The following HYDIN variants were observed in gnomAD, a reference collection of about 807,000 sequenced individuals.
HYDIN encodes axonemal central pair apparatus protein HYDIN.
In HYDIN, 132 loss-of-function variants were observed where a neutral mutation model predicts 403.9. The observed-to-expected ratio is 0.33, with a 90% CI of 0.28 to 0.38. HYDIN has a LOEUF of 0.38. Among genes scored for constraint, HYDIN ranks in the 10% least tolerant of loss-of-function variants. The pLI, the probability that HYDIN is intolerant of heterozygous loss-of-function variation, is 1.00. For missense variants in HYDIN, 2,827 were observed against 5,009.5 expected, an observed-to-expected ratio of 0.56 and a Z score of 13.15; for synonymous variants, 1,202 against 1,891.7, an observed-to-expected ratio of 0.64 and a Z score of 9.46.
intron 9 of HYDIN, among the ~76,000 whole-genome samples, chr16:71,126,004 G>A (rs1425502830): frequency 2.0e-5 from 3 of 151,628 alleles, no homozygotes; most frequent in Non-Finnish European, 4.4e-5. Context: ...CTGTGGAGGG[G>A]GAGTCTGTGG....
Position 71,081,888 on chromosome 16 carries a change from T to C in HYDIN, c.1671-1936A>G, listed in dbSNP as rs939347298. Among the ~76,000 whole-genome samples the C allele has an allele frequency of 6.6e-5, 9 of 136,692 alleles. No individual in the cohort carries two copies. The South Asian group carries it at 1.2e-3, about 18-fold the overall frequency. The allele number at this position is 136,692 out of a possible 152,430, so 89.7% of individuals were successfully genotyped here. A position where few individuals can be genotyped will look rare whatever the true frequency, so the allele number is the denominator to read the frequency against. On this transcript the variant is annotated intron_variant, in intron 12 of 85. Transcript: ENST00000393567. ...ATGGTTCAAACTTTATAAAATCACATACATAAAAATAGGAGGGAAGAAAAT... is the reference window on the plus strand; with the variant it reads ...ATGGTTCAAACTTTATAAAATCACACACATAAAAATAGGAGGGAAGAAAAT...
intron 1 of HYDIN, among the ~76,000 whole-genome samples, chr16:71,221,880 G>A (rs1049503425): frequency 6.6e-6 from 1 of 152,204 alleles, no homozygotes; most frequent in African/African-American, 2.4e-5. Context: ...AAATGAAGCT[G>A]TAAACAGACC....
At chr16:70,926,282 TA>T (rs1344661462) in intron 45 of HYDIN, among the ~76,000 whole-genome samples, 1 of 151,892 alleles carries the variant, frequency 6.6e-6, no homozygotes, top group African/African-American at 2.4e-5. Context: ...TATGCAGCCA[TA>T]AAAAATGATG....
chr16:71,031,199 CAAAAAAAAA>C (rs376968331), intron 19 of HYDIN, among the ~76,000 whole-genome samples: 4 of 25,216 alleles, frequency 1.6e-4, no homozygotes, highest in African/African-American at 4.1e-4. Flanking sequence ...GACTCCATCT[CAAAAAAAAA>C]AAAAAAAAAA....
rs550292702 is a variant in HYDIN, at chr16:70,875,993, T to G, written c.10558-1074A>C. The stretch of plus-strand genomic sequence containing the variant: ...AACCTGAGCTCAAGGCAACAACAAT[T>G]GCTAGACTAAATATATATAAAAAAA... On this transcript the variant is annotated intron_variant, in intron 62 of 85. Transcript: ENST00000393567. Among the ~76,000 whole-genome samples, 6 of 152,182 alleles carry G rather than the reference T, an allele frequency of 3.9e-5. No individual in the cohort carries two copies. The East Asian group carries it at 1.2e-3, about 29-fold the overall frequency.
At chr16:70,945,203 T>C (rs1200774016) in intron 41 of HYDIN, among the ~76,000 whole-genome samples, 1 of 152,198 alleles carries the variant, frequency 6.6e-6, no homozygotes, top group Non-Finnish European at 1.5e-5. Context: ...TGGCGAGAAG[T>C]GGCTCATACA....
chr16:70,862,089 G>C lies in HYDIN; in HGVS notation c.11736C>G (p.Ser3912=), dbSNP rs1040995714. The C allele has an allele frequency of 1.2e-6, 2 of 1,608,024 alleles. No individual in the cohort carries two copies. Among genetic ancestry groups the C allele is most frequent in the Non-Finnish European group, 1.7e-6 (2 of 1,177,234 alleles). Residue 3912 remains serine, a synonymous_variant, in exon 69 of 86, where the codon TCC becomes TCG. Coordinates refer to ENST00000393567, the MANE Select transcript of HYDIN (RefSeq NM_001270974.2). ...GKIQKFKVKF[S]PLDIGDFESN... ...TCTCGAAGTCTCCAATGTCCAACGG[G>C]GAGAATTTTACTTTGAACTTCTGAA... is the stretch of plus-strand genomic sequence containing the variant.
At chr16:71,168,032 A>C (rs1182889323) in intron 5 of HYDIN, among the ~76,000 whole-genome samples, 3 of 151,862 alleles carry the variant, frequency 2.0e-5, no homozygotes, top group Non-Finnish European at 2.9e-5. Flanking sequence ...AAAAGTATAC[A>C]TCCGGCTGGG....
chr16:70,837,180 A>T (rs1228955491), intron 77 of HYDIN, among the ~76,000 whole-genome samples: 1 of 152,210 alleles, frequency 6.6e-6, no homozygotes, highest in Non-Finnish European at 1.5e-5. Flanking sequence ...TGCCTCAGTA[A>T]AAGAAATGCC....
chr16:70,945,782 A>C (rs959223123), intron 41 of HYDIN, among the ~76,000 whole-genome samples: 23 of 152,186 alleles, frequency 1.5e-4, no homozygotes, highest in Non-Finnish European at 2.9e-4. Flanking sequence ...TGAAGACAGA[A>C]AACTGACCTC....
chr16:70,862,354 G>A, intron 68 of HYDIN, 99 bp from the exon 69 acceptor site: 1 of 641,234 alleles, frequency 1.6e-6, no homozygotes, highest in Non-Finnish European at 2.7e-6. Context: ...CTGCGGATAT[G>A]GTGGATATGG....
chr16:70,862,087 G>A lies in HYDIN; in HGVS notation c.11738C>T (p.Pro3913Leu), dbSNP rs755603343. The A allele has an allele frequency of 3.7e-6, 6 of 1,607,010 alleles. No homozygotes were observed. The African/African-American group carries it at 4.0e-5, about 11-fold the overall frequency. The change falls in exon 69 of 86, where the codon CCG becomes CTG. Residue 3913 changes from proline to leucine, a missense_variant. Physicochemically the swap from Pro to Leu is moderately conservative, Grantham distance 98. Transcript: ENST00000393567. ...KIQKFKVKFS[P>L]LDIGDFESNL... ...GCTCTCGAAGTCTCCAATGTCCAAC[G>A]GGGAGAATTTTACTTTGAACTTCTG...
intron 10 of HYDIN, among the ~76,000 whole-genome samples, chr16:71,105,716 TTTAAA>T (rs1292346997): frequency 2.7e-5 from 1 of 37,708 alleles, no homozygotes; most frequent in Admixed American, 3.3e-4. Flanking sequence ...CATTTCACAG[TTTAAA>T]TTAGAGAGTA....
chr16:71,084,312 T>G (rs1254425999), intron 12 of HYDIN, among the ~76,000 whole-genome samples: 1 of 145,532 alleles, frequency 6.9e-6, no homozygotes, highest in Non-Finnish European at 1.5e-5. Flanking sequence ...TTTCTTTGGT[T>G]GCTTGTGCTT....
intron 1 of HYDIN, among the ~76,000 whole-genome samples, chr16:71,224,326 T>C (rs192539166): frequency 6.6e-6 from 1 of 152,120 alleles, no homozygotes; most frequent in Non-Finnish European, 1.5e-5. Context: ...AAAGACTACA[T>C]ATTGGGCATA....
intron 1 of HYDIN, among the ~76,000 whole-genome samples, chr16:71,211,164 G>C (rs940462777): frequency 9.2e-5 from 14 of 152,076 alleles, no homozygotes; most frequent in Admixed American, 5.9e-4. Context: ...ACCTGTCCTG[G>C]TGCTGAGCAG....
intron 43 of HYDIN, 84 bp from the exon 44 acceptor site, chr16:70,938,839 G>C (rs186832460): frequency 6.9e-7 from 1 of 1,439,202 alleles, no homozygotes; most frequent in African/African-American, 1.4e-5. Context: ...TAGGGTCTTA[G>C]TGTGGGGCAG....
intron 18 of HYDIN, among the ~76,000 whole-genome samples, chr16:71,053,515 G>C (rs28676390): frequency 0.36 from 53,310 of 147,606 alleles, 8,999 homozygotes; most frequent in Non-Finnish European, 0.44. Context: ...CATTAACATG[G>C]ATAGATGTTG....
chr16:71,055,760 A>C (rs917404211), intron 18 of HYDIN, among the ~76,000 whole-genome samples: 1 of 151,792 alleles, frequency 6.6e-6, no homozygotes, highest in African/African-American at 2.4e-5. Context: ...CACTACAAAG[A>C]TGTCTTGGTG....
Sources: allele counts gnomAD v4.1 joint callset (sites outside exome capture counted in the v4.1 genomes callset), GRCh38; gene constraint gnomAD v4.1.1; transcripts MANE v1.5; gene names NCBI Gene and HGNC (gene_info 2026-07-23, HGNC 2026-07-21).